CSGALNACT1: variants seen among roughly 807,000 people sequenced by gnomAD.
The protein encoded by CSGALNACT1 is beta4GalNAcT-1.
A neutral mutation model predicts 51.0 loss-of-function variants in CSGALNACT1; 52 were observed. The observed-to-expected ratio is 1.02, with a 90% CI of 0.82 to 1.29. The LOEUF is 1.29. Ranked by LOEUF, CSGALNACT1 falls within the 50% of genes most tolerant of loss-of-function variation. The probability of loss-of-function intolerance (pLI) is 0.00; values close to 1 mark genes in which losing one functional copy is unlikely to be tolerated. For synonymous variants in CSGALNACT1, 341 were observed against 254.4 expected, an observed-to-expected ratio of 1.34 and a Z score of -3.24; for missense variants, 935 against 679.2, an observed-to-expected ratio of 1.38 and a Z score of -4.19.
At chr8:19,486,938 G>C (rs957502638) in intron 4 of CSGALNACT1, among the ~76,000 whole-genome samples, 1 of 152,170 alleles carries the variant, frequency 6.6e-6, no homozygotes, top group African/African-American at 2.4e-5. Flanking sequence ...AACCAAAAAG[G>C]CTGCCTACTC....
intron 4 of CSGALNACT1, among the ~76,000 whole-genome samples, chr8:19,495,575 G>A (rs1417415117): frequency 1.3e-5 from 2 of 152,184 alleles, no homozygotes; most frequent in African/African-American, 4.8e-5. Flanking sequence ...GGAGGCTGGA[G>A]AGGAGGGAGC....
chr8:19,427,518 G>C (rs986416560), intron 6 of CSGALNACT1, among the ~76,000 whole-genome samples: 1 of 152,170 alleles, frequency 6.6e-6, no homozygotes, highest in African/African-American at 2.4e-5. Context: ...GCCGGGTGTG[G>C]TGGCTCATGC....
At chr8:19,688,247 T>C (rs991104632) in intron 1 of CSGALNACT1, among the ~76,000 whole-genome samples, 3 of 152,240 alleles carry the variant, frequency 2.0e-5, no homozygotes, top group Non-Finnish European at 2.9e-5. Context: ...ATGGAGTTGA[T>C]TGGTAAGATC....
At chr8:19,653,960 C>T (rs777919757) in intron 1 of CSGALNACT1, among the ~76,000 whole-genome samples, 1 of 152,162 alleles carries the variant, frequency 6.6e-6, no homozygotes, top group Non-Finnish European at 1.5e-5. Context: ...CTCTCCCCTT[C>T]CTTGCAAGGA....
chr8:19,459,442 C>A (rs1446758920), intron 4 of CSGALNACT1, among the ~76,000 whole-genome samples: 7 of 149,566 alleles, frequency 4.7e-5, no homozygotes, highest in Non-Finnish European at 7.4e-5. Context: ...ATGAACTGAC[C>A]ATAGTAATCT....
intron 5 of CSGALNACT1, among the ~76,000 whole-genome samples, chr8:19,449,831 G>A (rs1018860506): frequency 1.3e-5 from 2 of 151,862 alleles, no homozygotes; most frequent in South Asian, 2.1e-4. Context: ...AAAGCAAAGT[G>A]AAGAATATTT....
intron 1 of CSGALNACT1, among the ~76,000 whole-genome samples, chr8:19,636,323 T>C (rs1480092268): frequency 1.3e-5 from 2 of 152,110 alleles, no homozygotes; most frequent in Non-Finnish European, 2.9e-5. Flanking sequence ...GATAAGTATA[T>C]ATTCAAAAAA....
exon 10 of CSGALNACT1, chr8:19,404,703 G>A (rs1240583168): frequency 6.6e-6 from 3 of 454,174 alleles, no homozygotes; most frequent in Non-Finnish European, 1.3e-5. Context: ...TGGTTCACAC[G>A]GTATACTTTG....
chr8:19,543,114 T>C (rs972650506), intron 3 of CSGALNACT1, among the ~76,000 whole-genome samples: 2 of 152,120 alleles, frequency 1.3e-5, no homozygotes, highest in South Asian at 4.1e-4. Context: ...AATACTAGGC[T>C]CACGGAGTTT....
intron 1 of CSGALNACT1, among the ~76,000 whole-genome samples, chr8:19,675,609 C>T (rs1205042535): frequency 1.3e-5 from 2 of 152,158 alleles, no homozygotes; most frequent in African/African-American, 4.8e-5. Context: ...TCTCCTGCCT[C>T]AGCCTCCTGA....
At chr8:19,477,620 C>T (rs1018599633) in intron 4 of CSGALNACT1, among the ~76,000 whole-genome samples, 1 of 152,150 alleles carries the variant, frequency 6.6e-6, no homozygotes, top group African/African-American at 2.4e-5. Context: ...ACTAAATGGT[C>T]TTCATATCCC....
intron 4 of CSGALNACT1, among the ~76,000 whole-genome samples, chr8:19,502,623 A>T (rs1423508958): frequency 1.3e-5 from 2 of 152,194 alleles, no homozygotes; most frequent in Non-Finnish European, 2.9e-5. Context: ...GGATTTTGAG[A>T]AATTGCCTCA....
chr8:19,697,723 G>T (rs773993755), intron 1 of CSGALNACT1, among the ~76,000 whole-genome samples: 3 of 152,080 alleles, frequency 2.0e-5, no homozygotes, highest in Admixed American at 6.5e-5. Context: ...AGTCCACTGT[G>T]GGACATGTGG....
At chr8:19,663,611 C>A (rs1224492555) in intron 1 of CSGALNACT1, among the ~76,000 whole-genome samples, 1 of 152,168 alleles carries the variant, frequency 6.6e-6, no homozygotes, top group Non-Finnish European at 1.5e-5. Context: ...GCTTCAAATT[C>A]ACATCCTGTA....
At chr8:19,505,508 G>C (rs1444915784) in exon 4 of CSGALNACT1, 2 of 1,614,040 alleles carry the variant, frequency 1.2e-6, no homozygotes, top group Non-Finnish European at 1.7e-6. Flanking sequence ...GGGGGCTCCT[G>C]TCCAGACCCA....
chr8:19,690,201 ACT>A (rs1365253663), intron 1 of CSGALNACT1, among the ~76,000 whole-genome samples: 3 of 152,258 alleles, frequency 2.0e-5, no homozygotes, highest in African/African-American at 7.2e-5. Context: ...ATACATGAAT[ACT>A]TTTCAAATCA....
chr8:19,544,066 G>A (rs2085899666), intron 3 of CSGALNACT1, among the ~76,000 whole-genome samples: 1 of 150,926 alleles, frequency 6.6e-6, no homozygotes, highest in African/African-American at 2.4e-5. Context: ...TTCTATTGTG[G>A]GGACATAACT....
intron 2 of CSGALNACT1, among the ~76,000 whole-genome samples, chr8:19,593,335 T>G (rs1380092325): frequency 6.6e-6 from 1 of 152,194 alleles, no homozygotes; most frequent in Non-Finnish European, 1.5e-5. Context: ...ATGAACAAGA[T>G]ATATAGGGAC....
At chr8:19,756,259 C>T (rs921019939) in intron 1 of CSGALNACT1, among the ~76,000 whole-genome samples, 1 of 151,958 alleles carries the variant, frequency 6.6e-6, no homozygotes, top group African/African-American at 2.4e-5. Flanking sequence ...CACTTCATTA[C>T]CTTTATTATC....
Sources: gnomAD v4.1 joint callset for allele counts (sites outside exome capture counted in the v4.1 genomes callset) on GRCh38, gnomAD v4.1.1 for gene constraint, MANE v1.5 for transcripts, NCBI Gene and HGNC (gene_info 2026-07-23, HGNC 2026-07-21) for gene names.